The following TRPC4AP variants were observed in gnomAD, a reference collection of about 807,000 sequenced individuals.
The protein encoded by TRPC4AP is short transient receptor potential channel 4-associated protein.
In TRPC4AP, 45 loss-of-function variants were observed where a neutral mutation model predicts 99.0. The ratio of observed to expected loss-of-function variants is 0.45; its 90% CI spans 0.36 to 0.58. The LOEUF is 0.58. Ranked by LOEUF, TRPC4AP falls within the 20% of genes least tolerant of loss-of-function variation. TRPC4AP has a pLI of 0.00. For synonymous variants in TRPC4AP, 408 were observed against 385.8 expected, an observed-to-expected ratio of 1.06 and a Z score of -0.67; for missense variants, 879 against 985.3, an observed-to-expected ratio of 0.89 and a Z score of 1.44.
chr20:35,087,969 A>G (rs1457205528), intron 1 of TRPC4AP, among the ~76,000 whole-genome samples: 1 of 152,208 alleles, frequency 6.6e-6, no homozygotes, highest in Non-Finnish European at 1.5e-5. Context: ...CGACATACTA[A>G]GTTTGAGATG....
intron 7 of TRPC4AP, among the ~76,000 whole-genome samples, chr20:35,036,353 G>GTAAA (rs1438702817): frequency 1.3e-5 from 2 of 152,116 alleles, no homozygotes; most frequent in Non-Finnish European, 2.9e-5. Flanking sequence ...GTGGAAAAGG[G>GTAAA]GATTTAGGTC....
rs766853672 is a variant in TRPC4AP at position 35,044,587 on chromosome 20, A to G, written c.783T>C (p.Asp261=). 1 of 1,614,156 alleles carries G rather than the reference A, an allele frequency of 6.2e-7. No individual in the cohort carries two copies. Among genetic ancestry groups the G allele is most frequent in the South Asian group, 1.1e-5 (1 of 91,086 alleles). Reference sequence around the variant, plus strand: ...TTTTGGCAAGAAGCGTGTGCTTGTCATCATTCCCTGTATCCATCTCTGAAA... The same window carrying G: ...TTTTGGCAAGAAGCGTGTGCTTGTCGTCATTCCCTGTATCCATCTCTGAAA... ...VTISEMDTGN[D]DKHTLLAKNA... The change falls in exon 7 of 19, where the codon GAT becomes GAC. Residue 261 remains aspartate, a synonymous_variant. Coordinates refer to ENST00000252015, the MANE Select transcript of TRPC4AP (RefSeq NM_015638.3).
intron 9 of TRPC4AP, among the ~76,000 whole-genome samples, chr20:35,018,937 G>A (rs965200577): frequency 3.5e-4 from 54 of 152,226 alleles, no homozygotes; most frequent in African/African-American, 1.2e-3. Flanking sequence ...GGCTCAGTGA[G>A]GTACTGTAGA....
intron 8 of TRPC4AP, among the ~76,000 whole-genome samples, chr20:35,026,375 T>A (rs895957948): frequency 5.3e-5 from 8 of 152,030 alleles, no homozygotes; most frequent in African/African-American, 1.9e-4. Context: ...TCACGAGGCT[T>A]GCCTAATTTT....
chr20:35,078,836 C>A (rs1486458438), intron 1 of TRPC4AP, among the ~76,000 whole-genome samples: 1 of 152,160 alleles, frequency 6.6e-6, no homozygotes, highest in Non-Finnish European at 1.5e-5. Context: ...GAAGCCGAGG[C>A]AGGTGGATCA....
At chr20:35,031,535 C>CTCA (rs2083196016) in intron 8 of TRPC4AP, among the ~76,000 whole-genome samples, 1 of 151,422 alleles carries the variant, frequency 6.6e-6, no homozygotes, top group Non-Finnish European at 1.5e-5. Context: ...CATGCCAGGC[C>CTCA]TCAGCGTTTT....
chr20:35,004,388 C>T (rs746917113), intron 17 of TRPC4AP, 70 bp downstream of exon 17: 5 of 1,372,616 alleles, frequency 3.6e-6, no homozygotes, highest in Non-Finnish European at 5.1e-6. Flanking sequence ...CAGAAACCTG[C>T]TGGGCACCAG....
chr20:35,087,719 A>G (rs944917348), intron 1 of TRPC4AP, among the ~76,000 whole-genome samples: 1 of 152,220 alleles, frequency 6.6e-6, no homozygotes, highest in African/African-American at 2.4e-5. Context: ...TTAAGCATCA[A>G]ATGTGCTGAT....
chr20:35,035,392 GA>G, intron 7 of TRPC4AP, 84 bp from the exon 8 acceptor site: 1 of 1,372,066 alleles, frequency 7.3e-7, no homozygotes, highest in Non-Finnish European at 9.9e-7. Context: ...CAATCTGCAT[GA>G]TAGGAATAAT....
chr20:35,060,811 A>C (rs953411102), intron 3 of TRPC4AP, among the ~76,000 whole-genome samples: 5 of 152,086 alleles, frequency 3.3e-5, no homozygotes, highest in African/African-American at 1.2e-4. Context: ...ATGATAAAAC[A>C]ATCAACAAGG....
intron 8 of TRPC4AP, among the ~76,000 whole-genome samples, chr20:35,029,254 C>G (rs2083107054): frequency 6.6e-6 from 1 of 152,122 alleles, no homozygotes; most frequent in Admixed American, 6.5e-5. Flanking sequence ...GTCCCTCCAA[C>G]TTTTTAAAAG....
intron 8 of TRPC4AP, among the ~76,000 whole-genome samples, chr20:35,023,061 A>G (rs1467963803): frequency 6.6e-6 from 1 of 151,798 alleles, no homozygotes; most frequent in African/African-American, 2.4e-5. Flanking sequence ...AACTTACTCT[A>G]TCCTACAGAC....
At chr20:35,009,214 T>C (rs113229449) in intron 12 of TRPC4AP, among the ~76,000 whole-genome samples, 2 of 152,176 alleles carry the variant, frequency 1.3e-5, no homozygotes, top group African/African-American at 4.8e-5. Context: ...GAAATGACTC[T>C]GGCCCCGTCA....
intron 8 of TRPC4AP, among the ~76,000 whole-genome samples, chr20:35,027,462 C>G (rs964137713): frequency 1.3e-5 from 2 of 152,106 alleles, no homozygotes; most frequent in African/African-American, 4.8e-5. Flanking sequence ...GATTTTTGCA[C>G]CTATAATCAT....
Position 35,038,718 on chromosome 20 carries a change from T to C in TRPC4AP, c.866-3410A>G, listed in dbSNP as rs1051543070. On this transcript the variant is annotated intron_variant, in intron 7 of 18. Coordinates refer to ENST00000252015, the MANE Select transcript of TRPC4AP (RefSeq NM_015638.3). ...AGTTACCACAGGGAGGGGAACAAAC[T>C]CTCTGCTGTACTTTTTGTATCATTT... Among the ~76,000 whole-genome samples, 4 of 152,308 alleles carry C rather than the reference T, an allele frequency of 2.6e-5. No individual in the cohort carries two copies. In the East Asian group the frequency reaches 7.7e-4, roughly 29 times the overall value.
At chr20:35,054,259 T>G (rs1229483361) in intron 5 of TRPC4AP, among the ~76,000 whole-genome samples, 1 of 152,166 alleles carries the variant, frequency 6.6e-6, no homozygotes, top group Admixed American at 6.5e-5. Context: ...TTCTGCCATG[T>G]ATTATGATTC....
At chr20:35,003,364 T>C in intron 18 of TRPC4AP, 46 bp downstream of exon 18, 3 of 1,606,508 alleles carry the variant, frequency 1.9e-6, no homozygotes, top group Non-Finnish European at 1.7e-6. Context: ...TGAGAGGCCC[T>C]GGGTCCGCGG....
At chr20:35,015,357 G>T (rs1177822445) in intron 10 of TRPC4AP, among the ~76,000 whole-genome samples, 1 of 152,020 alleles carries the variant, frequency 6.6e-6, no homozygotes, top group Non-Finnish European at 1.5e-5. Flanking sequence ...ATAAGGAAAA[G>T]CAGGCTGCTA....
At chr20:35,005,114 TG>T (rs1040860707) in intron 16 of TRPC4AP, among the ~76,000 whole-genome samples, 1 of 152,196 alleles carries the variant, frequency 6.6e-6, no homozygotes, top group African/African-American at 2.4e-5. Context: ...TCTGTGTGGC[TG>T]TTCCCCTGAA....
Sources: allele counts gnomAD v4.1 joint callset (sites outside exome capture counted in the v4.1 genomes callset), GRCh38; gene constraint gnomAD v4.1.1; transcripts MANE v1.5; gene names NCBI Gene and HGNC (gene_info 2026-07-23, HGNC 2026-07-21).